KIAA0825: variants seen among roughly 807,000 people sequenced by gnomAD.
The protein encoded by KIAA0825 is uncharacterized protein KIAA0825.
KIAA0825 carries 119 observed loss-of-function variants against 147.6 expected under a neutral mutation model. The observed-to-expected ratio is 0.81, with a 90% CI of 0.69 to 0.94. KIAA0825 has a LOEUF of 0.94. KIAA0825 is among the 40% of genes least tolerant of loss of function. KIAA0825 has a pLI of 0.00. For synonymous variants in KIAA0825, 470 were observed against 518.1 expected (o/e 0.91, Z 1.26); for missense variants, 1,381 against 1,472.7 (o/e 0.94, Z 1.02).
intron 20 of KIAA0825, among the ~76,000 whole-genome samples, chr5:94,237,765 A>G (rs933666926): frequency 6.6e-6 from 1 of 152,180 alleles, no homozygotes; most frequent in African/African-American, 2.4e-5. Flanking sequence ...ATTGTTGATG[A>G]AGCCCAATGA....
At chr5:94,351,939 G>A (rs1783717323) in intron 20 of KIAA0825, among the ~76,000 whole-genome samples, 1 of 152,094 alleles carries the variant, frequency 6.6e-6, no homozygotes, top group South Asian at 2.1e-4. Context: ...GATGGATTAA[G>A]CACATAAACC....
intron 20 of KIAA0825, among the ~76,000 whole-genome samples, chr5:94,347,171 C>T: frequency 6.6e-6 from 1 of 152,162 alleles, no homozygotes; most frequent in East Asian, 1.9e-4. Flanking sequence ...TAAGAAGAGT[C>T]TCAGCTCAGA....
intron 17 of KIAA0825, among the ~76,000 whole-genome samples, chr5:94,395,256 G>C (rs994591572): frequency 6.6e-6 from 1 of 152,112 alleles, no homozygotes. Context: ...GTACTAGTAA[G>C]AGTAACCATA....
intron 20 of KIAA0825, among the ~76,000 whole-genome samples, chr5:94,156,365 AT>A (rs1346474509): frequency 6.6e-6 from 1 of 152,230 alleles, no homozygotes; most frequent in Non-Finnish European, 1.5e-5. Flanking sequence ...TAAAAGAACC[AT>A]CTAAGGATCA....
intron 20 of KIAA0825, among the ~76,000 whole-genome samples, chr5:94,224,533 C>T (rs995929191): frequency 6.6e-6 from 1 of 152,086 alleles, no homozygotes; most frequent in Admixed American, 6.5e-5. Context: ...AGGAACGGTC[C>T]TATGAATTCC....
At chr5:94,548,487 A>G (rs1270599158) in intron 2 of KIAA0825, among the ~76,000 whole-genome samples, 1 of 152,174 alleles carries the variant, frequency 6.6e-6, no homozygotes, top group East Asian at 1.9e-4. Flanking sequence ...CAAGAGAGGA[A>G]GGAAGGAAAG....
At chr5:94,340,175 C>T (rs968642377) in intron 20 of KIAA0825, among the ~76,000 whole-genome samples, 2 of 152,078 alleles carry the variant, frequency 1.3e-5, no homozygotes, top group Non-Finnish European at 2.9e-5. Flanking sequence ...TGCATAGGTG[C>T]TCCAGATGCT....
intron 20 of KIAA0825, among the ~76,000 whole-genome samples, chr5:94,277,962 G>A (rs557462352): frequency 7.9e-5 from 12 of 152,256 alleles, no homozygotes; most frequent in African/African-American, 2.9e-4. Context: ...GTCCCTTGCA[G>A]GGACATGGAT....
chr5:94,574,416 T>G (rs1226530519), intron 2 of KIAA0825, among the ~76,000 whole-genome samples: 1 of 151,764 alleles, frequency 6.6e-6, no homozygotes, highest in Non-Finnish European at 1.5e-5. Flanking sequence ...TGTTGGTGTA[T>G]GCCTGTAATC....
intron 18 of KIAA0825, among the ~76,000 whole-genome samples, chr5:94,387,744 A>C (rs1165067057): frequency 1.3e-5 from 2 of 151,860 alleles, no homozygotes; most frequent in African/African-American, 4.8e-5. Context: ...GGCACAGGGA[A>C]ACTCTAGCCG....
At chr5:94,550,407 T>C (rs570854928) in intron 2 of KIAA0825, among the ~76,000 whole-genome samples, 14 of 152,186 alleles carry the variant, frequency 9.2e-5, no homozygotes, top group African/African-American at 3.4e-4. Context: ...CCCACCCAAC[T>C]GACACCGCAA....
At chr5:94,302,093 T>C (rs1778443456) in intron 20 of KIAA0825, among the ~76,000 whole-genome samples, 2 of 152,110 alleles carry the variant, frequency 1.3e-5, no homozygotes, top group South Asian at 4.1e-4. Flanking sequence ...TGGCCCCCAC[T>C]TCATGCTTGA....
chr5:94,170,143 C>T (rs1768476805), intron 20 of KIAA0825, among the ~76,000 whole-genome samples: 1 of 151,932 alleles, frequency 6.6e-6, no homozygotes, highest in Non-Finnish European at 1.5e-5. Context: ...ACTAAAAATA[C>T]AAAAAATAAG....
intron 13 of KIAA0825, among the ~76,000 whole-genome samples, chr5:94,441,084 T>C (rs1259688413): frequency 1.3e-5 from 2 of 151,990 alleles, no homozygotes; most frequent in African/African-American, 4.8e-5. Flanking sequence ...GAAAGGGGTA[T>C]CACTGAGAGA....
At chr5:94,469,337 A>G (rs183545070) in intron 10 of KIAA0825, among the ~76,000 whole-genome samples, 2 of 152,024 alleles carry the variant, frequency 1.3e-5, no homozygotes, top group East Asian at 3.9e-4. Flanking sequence ...CACCCAGCTA[A>G]CTTTTTGTAT....
chr5:94,339,674 T>C (rs751339444), intron 20 of KIAA0825, among the ~76,000 whole-genome samples: 1 of 152,176 alleles, frequency 6.6e-6, no homozygotes, highest in Admixed American at 6.5e-5. Flanking sequence ...TACTCGTAAT[T>C]GCATTTTTCA....
chr5:94,207,793 G>T (rs1045811025), intron 20 of KIAA0825, among the ~76,000 whole-genome samples: 1 of 152,116 alleles, frequency 6.6e-6, no homozygotes, highest in African/African-American at 2.4e-5. Flanking sequence ...AGGGGGGCTC[G>T]CAGTCAAACA....
chr5:94,202,462 T>C (rs1771786826), intron 20 of KIAA0825, among the ~76,000 whole-genome samples: 1 of 152,168 alleles, frequency 6.6e-6, no homozygotes, highest in African/African-American at 2.4e-5. Context: ...GCGGTGTGGC[T>C]AGGGTGGTGA....
intron 1 of KIAA0825, 27 bp from the exon 2 acceptor site, chr5:94,582,610 T>G (rs554048585): frequency 6.6e-6 from 1 of 152,154 alleles, no homozygotes; most frequent in Non-Finnish European, 1.5e-5. Context: ...TAAAGCTTTA[T>G]CACTGCCACA....
Sources: gnomAD v4.1 joint callset for allele counts (sites outside exome capture counted in the v4.1 genomes callset) on GRCh38, gnomAD v4.1.1 for gene constraint, MANE v1.5 for transcripts, NCBI Gene and HGNC (gene_info 2026-07-23, HGNC 2026-07-21) for gene names.